The following CBFA2T2 variants were observed in gnomAD, a reference collection of about 807,000 sequenced individuals.
CBFA2T2 encodes CBFA2/RUNX1 partner transcriptional co-repressor 2.
Under a neutral mutation model 62.2 loss-of-function variants are expected in CBFA2T2, and 11 were observed. The ratio of observed to expected loss-of-function variants is 0.18; its 90% CI spans 0.11 to 0.29. The LOEUF (loss-of-function observed/expected upper bound fraction) is 0.29. Ranked by LOEUF, CBFA2T2 falls within the 10% of genes least tolerant of loss-of-function variation. The pLI is 1.00. For missense variants in CBFA2T2, 592 were observed against 774.1 expected (o/e 0.76, Z 2.79); for synonymous variants, 295 against 287.5 (o/e 1.03, Z -0.27).
intron 2 of CBFA2T2, among the ~76,000 whole-genome samples, chr20:33,607,490 G>A (rs2122289151): frequency 6.6e-6 from 1 of 152,268 alleles, no homozygotes; most frequent in Middle Eastern, 3.4e-3. Context: ...GAATATTGTT[G>A]TATTTGTTTA....
At chr20:33,584,166 C>A (rs1001288389) in intron 1 of CBFA2T2, among the ~76,000 whole-genome samples, 4 of 151,968 alleles carry the variant, frequency 2.6e-5, no homozygotes, top group African/African-American at 9.7e-5. Context: ...CCAGGCTGGT[C>A]TTGAACTCCT....
At chr20:33,497,795 G>A (rs556260869) in intron 1 of CBFA2T2, among the ~76,000 whole-genome samples, 3 of 152,102 alleles carry the variant, frequency 2.0e-5, no homozygotes, top group Admixed American at 6.6e-5. Context: ...TGATCTGCCC[G>A]CCTTGGCCTC....
chr20:33,499,466 GC>G (rs2011243614), intron 1 of CBFA2T2, among the ~76,000 whole-genome samples: 1 of 152,206 alleles, frequency 6.6e-6, no homozygotes, highest in African/African-American at 2.4e-5. Flanking sequence ...TGCGACATGA[GC>G]TAGTGTTTGT....
intron 1 of CBFA2T2, among the ~76,000 whole-genome samples, chr20:33,503,223 A>AAAATATGTATCT (rs926534089): frequency 4.6e-5 from 7 of 151,386 alleles, no homozygotes; most frequent in Non-Finnish European, 1.0e-4. Context: ...CACATATCAA[A>AAAATATGTATCT]AAATATGTAT....
intron 9 of CBFA2T2, 121 bp downstream of exon 9, chr20:33,636,829 G>T (rs1266441539): frequency 4.3e-6 from 3 of 693,938 alleles, no homozygotes; most frequent in Middle Eastern, 6.8e-4. Flanking sequence ...GCTCCTCATA[G>T]AGCTCTAGGC....
intron 3 of CBFA2T2, among the ~76,000 whole-genome samples, chr20:33,619,242 G>A (rs547369186): frequency 6.6e-5 from 10 of 152,030 alleles, no homozygotes; most frequent in South Asian, 2.1e-4. Flanking sequence ...TAAAAAGACC[G>A]GGCGCGGTGG....
rs575763565 is a variant in CBFA2T2, at chr20:33,649,918, G to A, written c.*5272G>A. On this transcript the variant is annotated 3_prime_UTR_variant, in exon 11 of 11. Transcript: ENST00000342704. ...TCATTTTACTCTGATAGGAATTTTT[G>A]TTACCTAACTCTGTGCATAACTTAT... 6.5e-6 allele frequency: 1 copy of A among 152,736 alleles called. No homozygotes were observed. The highest frequency in any genetic ancestry group is 1.5e-5 in the Non-Finnish European group (1 of 68,016). The allele number at this position is 152,736 out of a possible 1,614,324, so 9.5% of individuals were successfully genotyped here.
Position 33,644,465 on chromosome 20 carries a change from A to G in CBFA2T2, c.1607A>G (p.Gln536Arg), listed in dbSNP as rs749423006. The part of the protein sequence containing the change: ...DWERHHRLCG[Q>R]NLHGQSPHGQ... ...GAGCGGCACCACCGCCTCTGTGGTCAGAACCTGCATGGCCAGAGCCCCCAC... is the reference window on the plus strand; with the variant it reads ...GAGCGGCACCACCGCCTCTGTGGTCGGAACCTGCATGGCCAGAGCCCCCAC... Residue 536 changes from glutamine (Q) to arginine (R), a missense_variant, in exon 11 of 11, where the codon CAG becomes CGG. Around this residue, in one of 3 missense-constraint regions of CBFA2T2, gnomAD observed 85 missense variants for 99.0 expected, o/e 0.86. Transcript: ENST00000342704. 3 of 1,614,136 alleles carry G rather than the reference A, an allele frequency of 1.9e-6. No individual in the cohort carries two copies.
At chr20:33,552,992 T>C (rs924679757) in intron 1 of CBFA2T2, among the ~76,000 whole-genome samples, 1 of 150,786 alleles carries the variant, frequency 6.6e-6, no homozygotes. Flanking sequence ...CCCTTAACTC[T>C]AGTCCCTGCT....
chr20:33,628,562 A>T (rs1024843290), intron 7 of CBFA2T2, 127 bp downstream of exon 7: 1 of 676,206 alleles, frequency 1.5e-6, no homozygotes, highest in Admixed American at 2.4e-5. Context: ...TCTGCTTCCC[A>T]GGTTCAAGCA....
At chr20:33,529,209 TAG>T (rs999328637) in intron 1 of CBFA2T2, among the ~76,000 whole-genome samples, 2 of 151,862 alleles carry the variant, frequency 1.3e-5, no homozygotes, top group African/African-American at 4.8e-5. Context: ...GTATTTTTAG[TAG>T]AGAGGGGGTT....
chr20:33,566,288 G>A (rs1040082448), intron 1 of CBFA2T2, among the ~76,000 whole-genome samples: 3 of 151,960 alleles, frequency 2.0e-5, no homozygotes, highest in African/African-American at 7.2e-5. Flanking sequence ...TTTAAAAGGT[G>A]AAATCTCATA....
intron 4 of CBFA2T2, among the ~76,000 whole-genome samples, chr20:33,621,276 AAT>A (rs2015955708): frequency 8.4e-6 from 1 of 119,760 alleles, no homozygotes; most frequent in Non-Finnish European, 1.8e-5. Flanking sequence ...TAATACCTTT[AAT>A]TTTACTGCCT....
At position 33,557,834 on chromosome 20, in the gene CBFA2T2, T is replaced by C. The variant is rs1222348239; in HGVS notation, c.35-49122T>C. Among the ~76,000 whole-genome samples, 4 of 149,100 alleles carry C rather than the reference T, an allele frequency of 2.7e-5. No individual in the cohort carries two copies. The East Asian group carries it at 5.9e-4, about 22-fold the overall frequency. On this transcript the variant is annotated intron_variant, in intron 1 of 10. Transcript: ENST00000342704. ...ATTTAGGTCTTTTATTTCTCTCTCTTTTTTTTTTTTTCTGTTTTGAGACAA... is the reference window on the plus strand; with the variant it reads ...ATTTAGGTCTTTTATTTCTCTCTCTCTTTTTTTTTTTCTGTTTTGAGACAA...
rs543984460 is a variant in CBFA2T2 at position 33,514,526 on chromosome 20, A to G, written c.34+24225A>G. ...CCAAGGAGGCTAGCATGGCTGGAGC[A>G]GGGGATGGAGCGAAAAGCTGATGTC... On this transcript the variant is annotated intron_variant, in intron 1 of 10. Transcript: ENST00000342704. 1.1e-4 allele frequency among the ~76,000 whole-genome samples: 17 copies of G among 152,080 alleles called. No homozygotes were observed. In the East Asian group the frequency reaches 2.7e-3, roughly 24 times the overall value.
At chr20:33,548,150 A>T (rs1464674416) in intron 1 of CBFA2T2, among the ~76,000 whole-genome samples, 1 of 152,036 alleles carries the variant, frequency 6.6e-6, no homozygotes, top group East Asian at 1.9e-4. Flanking sequence ...TCTCTAGATT[A>T]TTCTGCTTGT....
At chr20:33,490,537 G>C (rs982155904) in intron 1 of CBFA2T2, among the ~76,000 whole-genome samples, 1 of 152,288 alleles carries the variant, frequency 6.6e-6, no homozygotes, top group East Asian at 1.9e-4. Context: ...GGAAATTGTG[G>C]GGCCCGCGGC....
chr20:33,523,810 G>A (rs936506734), intron 1 of CBFA2T2, among the ~76,000 whole-genome samples: 4 of 152,044 alleles, frequency 2.6e-5, no homozygotes, highest in African/African-American at 7.2e-5. Context: ...TCAGCCTCCC[G>A]AGTAGCTGGG....
intron 1 of CBFA2T2, among the ~76,000 whole-genome samples, chr20:33,587,514 C>T (rs558579607): frequency 6.6e-6 from 1 of 152,216 alleles, no homozygotes; most frequent in East Asian, 1.9e-4. Context: ...GATCCGCCCC[C>T]CTTGGCCTCC....
Sources: gnomAD v4.1 joint callset for allele counts (sites outside exome capture counted in the v4.1 genomes callset) on GRCh38, gnomAD v4.1.1 for gene constraint, gnomAD v4.1.1 regional missense constraint, MANE v1.5 for transcripts, NCBI Gene and HGNC (gene_info 2026-07-23, HGNC 2026-07-21) for gene names.